CEP162: variants seen among roughly 807,000 people sequenced by gnomAD.
CEP162 encodes centrosomal protein 162, also known as centrosomal protein of 162 kDa.
Under a neutral mutation model 169.2 loss-of-function variants are expected in CEP162, and 141 were observed. That is an observed-to-expected ratio of 0.83 (90% CI 0.73 to 0.96). The LOEUF is 0.96. Among genes scored for constraint, CEP162 ranks in the 40% least tolerant of loss-of-function variants. CEP162 has a pLI of 0.00. For missense variants in CEP162, 1,600 were observed against 1,587.2 expected, an observed-to-expected ratio of 1.01 and a Z score of -0.14; for synonymous variants, 540 against 526.4, an observed-to-expected ratio of 1.03 and a Z score of -0.35.
At chr6:84,163,916 C>T (rs1294365488) in intron 18 of CEP162, among the ~76,000 whole-genome samples, 1 of 150,524 alleles carries the variant, frequency 6.6e-6, no homozygotes, top group Non-Finnish European at 1.5e-5. Flanking sequence ...AGTGAACAGG[C>T]AACCTACAGA....
At chr6:84,218,140 T>A (rs1269335577) in intron 3 of CEP162, among the ~76,000 whole-genome samples, 1 of 152,154 alleles carries the variant, frequency 6.6e-6, no homozygotes, top group African/African-American at 2.4e-5. Flanking sequence ...AATATTTCCA[T>A]GAGGAAGTAA....
chr6:84,147,255 TCTCA>T (rs145837178), intron 24 of CEP162, among the ~76,000 whole-genome samples: 3,268 of 152,196 alleles, frequency 0.021, 112 homozygotes, highest in African/African-American at 0.074. Context: ...TACTGCATGT[TCTCA>T]CTCATGTATG....
At chr6:84,132,899 G>A (rs2129185869) in intron 25 of CEP162, among the ~76,000 whole-genome samples, 1 of 152,162 alleles carries the variant, frequency 6.6e-6, no homozygotes, top group South Asian at 2.1e-4. Context: ...AACACAGCTG[G>A]CAAGGAGCTG....
At chr6:84,163,452 A>C (rs955987193) in intron 18 of CEP162, among the ~76,000 whole-genome samples, 182 bp from the exon 19 acceptor site, 1 of 152,122 alleles carries the variant, frequency 6.6e-6, no homozygotes, top group Non-Finnish European at 1.5e-5. Context: ...AGCCTATTAA[A>C]ATCAGTTCTA....
At chr6:84,156,417 G>A (rs1484488020) in intron 21 of CEP162, among the ~76,000 whole-genome samples, 2 of 151,948 alleles carry the variant, frequency 1.3e-5, no homozygotes, top group Non-Finnish European at 2.9e-5. Flanking sequence ...CAAAGGACAC[G>A]AACACACATT....
chr6:84,134,812 C>T (rs529934062), intron 25 of CEP162, among the ~76,000 whole-genome samples: 2 of 151,954 alleles, frequency 1.3e-5, no homozygotes, highest in Admixed American at 6.6e-5. Context: ...CAGCCTCCCC[C>T]CCACAGATTA....
Position 84,206,374 on chromosome 6 carries a change from G to A in CEP162, c.572-2278C>T, listed in dbSNP as rs369338515. Reference sequence around the variant, plus strand: ...ATGGTACTGGTACCAAAACAGAGATGTAGACCAATGGAACAGAACAGAGCC... The same window carrying A: ...ATGGTACTGGTACCAAAACAGAGATATAGACCAATGGAACAGAACAGAGCC... On this transcript the variant is annotated intron_variant, in intron 6 of 26. Coordinates refer to ENST00000403245, the MANE Select transcript of CEP162 (RefSeq NM_014895.4). Among the ~76,000 whole-genome samples the A allele has an allele frequency of 3.5e-3, 525 of 152,012 alleles. 4 individuals are homozygous for A. The highest frequency in any genetic ancestry group is 0.012 in the African/African-American group (480 of 41,398).
Position 84,169,335 on chromosome 6 carries a change from A to G in CEP162, c.2378T>C (p.Met793Thr). The change falls in exon 18 of 27, where the codon ATG (methionine) becomes ACG (threonine). Residue 793 changes from methionine (M) to threonine (T), a missense_variant. Physicochemically the swap from Met to Thr is moderately conservative, Grantham distance 81 (BLOSUM62 -1). Coordinates refer to ENST00000403245, the MANE Select transcript of CEP162 (RefSeq NM_014895.4). ...AATCGTTATGCAACTTACCTGTGCC[A>G]TCCGTAGTTCTGCTAACAGATCTGT... ...NFTDLLAELR[M>T]AQKEKDSLLE... 1 of 1,555,298 alleles carries G rather than the reference A, an allele frequency of 6.4e-7. No homozygotes were observed. Among genetic ancestry groups the G allele is most frequent in the Non-Finnish European group, 8.7e-7 (1 of 1,146,554 alleles).
Position 84,204,050 on chromosome 6 carries a change from C to A in CEP162, c.618G>T (p.Leu206Phe). 2 of 1,609,690 alleles carry A rather than the reference C, an allele frequency of 1.2e-6. No individual in the cohort carries two copies. Among genetic ancestry groups the A allele is most frequent in the Non-Finnish European group, 1.7e-6 (2 of 1,178,118 alleles). ...AAGGCATCTCTTCATCTTTAGTAGT[C>A]AACGGTGCACCAACATACTCATCTT... ...DFEDEYVGAPLTTKDEEMPSK... is the reference protein window; with the variant it reads ...DFEDEYVGAPFTTKDEEMPSK... The change falls in exon 7 of 27, where the codon TTG becomes TTT. Residue 206 changes from leucine (L) to phenylalanine (F), a missense_variant. Physicochemically the swap from Leu to Phe is conservative, Grantham distance 22. Transcript: ENST00000403245.
At position 84,206,143 on chromosome 6, in the gene CEP162, C is replaced by A. The variant is rs982376304; in HGVS notation, c.572-2047G>T. The stretch of plus-strand genomic sequence containing the variant: ...CAATATCGTGAAAATGGCCATACTG[C>A]CCAAGGTAATTTACAGATACAGTGC... On this transcript the variant is annotated intron_variant, in intron 6 of 26. Coordinates refer to ENST00000403245, the MANE Select transcript of CEP162 (RefSeq NM_014895.4). Among the ~76,000 whole-genome samples, 11 of 149,188 alleles carry A rather than the reference C, an allele frequency of 7.4e-5. 2 individuals carry two copies. The highest frequency in any genetic ancestry group is 2.1e-4 in the African/African-American group (8 of 38,616).
chr6:84,189,800 G>A lies in CEP162; in HGVS notation c.1110-3177C>T, dbSNP rs2099538983. ...AGGCAGCTCCACCTGCAGCCCCGGT[G>A]CGGGATCCACTAGGTGAAGCCAGCT... On this transcript the variant is annotated intron_variant, in intron 11 of 26. Transcript: ENST00000403245. Among the ~76,000 whole-genome samples the A allele has an allele frequency of 2.6e-5, 4 of 152,268 alleles. No individual in the cohort carries two copies. In the South Asian group the frequency reaches 8.3e-4, roughly 31 times the overall value.
intron 21 of CEP162, among the ~76,000 whole-genome samples, chr6:84,158,305 T>C (rs1419273538): frequency 2.0e-5 from 3 of 152,168 alleles, no homozygotes; most frequent in Non-Finnish European, 4.4e-5. Context: ...TCTTGTCTCA[T>C]GGGTAAGATG....
rs6922533 is a variant in CEP162, at chr6:84,194,747, T to C, written c.1027+137A>G. The C allele has an allele frequency of 8.6e-4, 618 of 722,000 alleles. 3 individuals carry two copies. In the African/African-American group the frequency reaches 9.8e-3, roughly 11 times the overall value. 44.7% of individuals were successfully genotyped at this position (722,000 alleles called of 1,614,324 possible). ...GATTACAGGCATCAGCCACCTCGCC[T>C]GGCTGAAAAAATTTCTTTAATTAAG... On this transcript the variant is annotated intron_variant, in intron 10 of 26. Transcript: ENST00000403245.
At chr6:84,145,970 G>A (rs2099518684) in intron 25 of CEP162, among the ~76,000 whole-genome samples, 2 of 151,984 alleles carry the variant, frequency 1.3e-5, no homozygotes, top group South Asian at 4.2e-4. Context: ...CCATATAGAG[G>A]CCTAACTTTG....
chr6:84,133,671 G>C (rs554603037), intron 25 of CEP162, among the ~76,000 whole-genome samples: 3 of 152,202 alleles, frequency 2.0e-5, no homozygotes, highest in Non-Finnish European at 2.9e-5. Context: ...AGCCATGCGC[G>C]GGATATAATG....
intron 21 of CEP162, 44 bp downstream of exon 21, chr6:84,160,768 C>G (rs894028326): frequency 2.5e-6 from 3 of 1,212,014 alleles, no homozygotes; most frequent in African/African-American, 1.5e-5. Context: ...CCAAAATGCA[C>G]TATATATAAA....
intron 1 of CEP162, among the ~76,000 whole-genome samples, chr6:84,227,361 A>T (rs1207959094): frequency 1.3e-5 from 2 of 152,182 alleles, no homozygotes; most frequent in Admixed American, 6.5e-5. Flanking sequence ...TAGCTTGGTC[A>T]GGGGTGAGCT....
intron 22 of CEP162, 127 bp downstream of exon 22, chr6:84,155,171 T>C (rs2099522663): frequency 2.7e-6 from 2 of 734,146 alleles, no homozygotes; most frequent in East Asian, 2.7e-5. Context: ...TTTGCACCTA[T>C]TGATACCAGT....
At chr6:84,143,251 T>A (rs1351900511) in intron 25 of CEP162, among the ~76,000 whole-genome samples, 2 of 152,072 alleles carry the variant, frequency 1.3e-5, no homozygotes, top group Non-Finnish European at 2.9e-5. Flanking sequence ...AAATCACCTG[T>A]TCTTATTGTC....
Sources: gnomAD v4.1 joint callset for allele counts (sites outside exome capture counted in the v4.1 genomes callset) on GRCh38, gnomAD v4.1.1 for gene constraint, MANE v1.5 for transcripts, NCBI Gene and HGNC (gene_info 2026-07-23, HGNC 2026-07-21) for gene names.